The following FHIP1A variants were observed in gnomAD, a reference collection of about 807,000 sequenced individuals.
FHIP1A encodes FHF complex subunit HOOK interacting protein 1A, also known as FHF complex subunit HOOK-interacting protein 1A.
Under a neutral mutation model 88.6 loss-of-function variants are expected in FHIP1A, and 61 were observed. The observed-to-expected ratio is 0.69, with a 90% CI of 0.56 to 0.85. FHIP1A has a LOEUF of 0.85. Among genes scored for constraint, FHIP1A ranks in the 40% least tolerant of loss-of-function variants. FHIP1A has a pLI of 0.00. For missense variants in FHIP1A, 1,154 were observed against 1,273.5 expected, an observed-to-expected ratio of 0.91 and a Z score of 1.43; for synonymous variants, 478 against 496.0, an observed-to-expected ratio of 0.96 and a Z score of 0.48.
chr4:151,456,248 A>G (rs1728964071), intron 2 of FHIP1A, among the ~76,000 whole-genome samples: 1 of 152,226 alleles, frequency 6.6e-6, no homozygotes, highest in African/African-American at 2.4e-5. Flanking sequence ...GGTTCTTTTT[A>G]AAATAACATC....
intron 5 of FHIP1A, among the ~76,000 whole-genome samples, chr4:151,585,243 T>A (rs1734167974): frequency 6.6e-6 from 1 of 152,104 alleles, no homozygotes; most frequent in African/African-American, 2.4e-5. Context: ...GTAGGTCCAA[T>A]CTCGGCTCAC....
chr4:151,634,724 T>G (rs1163998762), intron 8 of FHIP1A, among the ~76,000 whole-genome samples: 1 of 151,836 alleles, frequency 6.6e-6, no homozygotes, highest in East Asian at 1.9e-4. Context: ...AGTTGAACCC[T>G]TACTTTACAC....
At chr4:151,644,970 T>C (rs1000953307) in intron 9 of FHIP1A, among the ~76,000 whole-genome samples, 9 of 152,240 alleles carry the variant, frequency 5.9e-5, no homozygotes, top group Non-Finnish European at 1.0e-4. Context: ...CTCACAGATA[T>C]CCTTGTGGAA....
chr4:151,593,580 A>G (rs1054369807), intron 7 of FHIP1A, among the ~76,000 whole-genome samples: 1 of 152,084 alleles, frequency 6.6e-6, no homozygotes, highest in African/African-American at 2.4e-5. Context: ...TTATTTATGT[A>G]TAGGAATGCT....
At chr4:151,466,585 A>G (rs567968794) in intron 2 of FHIP1A, among the ~76,000 whole-genome samples, 8 of 152,324 alleles carry the variant, frequency 5.3e-5, no homozygotes, top group African/African-American at 1.9e-4. Flanking sequence ...AAAGTATACT[A>G]CAAGGCTACA....
At chr4:151,468,776 T>A (rs1729413482) in intron 2 of FHIP1A, among the ~76,000 whole-genome samples, 4 of 152,164 alleles carry the variant, frequency 2.6e-5, no homozygotes, top group Non-Finnish European at 5.9e-5. Flanking sequence ...CTAAGGTAAC[T>A]TGGGAATTAT....
intron 1 of FHIP1A, among the ~76,000 whole-genome samples, chr4:151,444,377 G>A (rs887683935): frequency 8.5e-5 from 13 of 152,118 alleles, no homozygotes; most frequent in Admixed American, 7.2e-4. Context: ...ACATATAAAA[G>A]AATATACATA....
At chr4:151,494,131 T>TTA (rs1280010675) in intron 3 of FHIP1A, among the ~76,000 whole-genome samples, 2 of 152,254 alleles carry the variant, frequency 1.3e-5, no homozygotes, top group African/African-American at 2.4e-5. Flanking sequence ...CTTTGTTGGA[T>TTA]GCATAGTTTG....
intron 3 of FHIP1A, among the ~76,000 whole-genome samples, chr4:151,521,520 C>G (rs1248449230): frequency 1.3e-5 from 2 of 152,054 alleles, no homozygotes; most frequent in African/African-American, 4.8e-5. Flanking sequence ...ATAGCTGTAG[C>G]TTGTAGGAAG....
chr4:151,610,993 C>G lies in FHIP1A; in HGVS notation c.979-18709C>G, dbSNP rs548968366. Among the ~76,000 whole-genome samples, 85 of 152,066 alleles carry G rather than the reference C, an allele frequency of 5.6e-4. No individual in the cohort carries two copies. The Middle Eastern group carries it at 0.01, about 18-fold the overall frequency. The stretch of plus-strand genomic sequence containing the variant: ...TATAGCAGAATTTATAGTACATTGC[C>G]AAGTATGTAATAGGTATTATGACAT... On this transcript the variant is annotated intron_variant, in intron 7 of 13. Transcript: ENST00000435205.
intron 7 of FHIP1A, among the ~76,000 whole-genome samples, chr4:151,594,187 T>G (rs1734556992): frequency 6.6e-6 from 1 of 152,148 alleles, no homozygotes; most frequent in Non-Finnish European, 1.5e-5. Flanking sequence ...ATCAGGGACA[T>G]TGGTCTGAAA....
intron 7 of FHIP1A, among the ~76,000 whole-genome samples, chr4:151,623,451 C>A (rs1407149821): frequency 6.6e-6 from 1 of 151,314 alleles, no homozygotes; most frequent in African/African-American, 2.4e-5. Context: ...TCCCCCTCCA[C>A]CCCCGAAAAT....
At chr4:151,440,850 G>A (rs747574046) in intron 1 of FHIP1A, among the ~76,000 whole-genome samples, 20 of 152,122 alleles carry the variant, frequency 1.3e-4, no homozygotes, top group Non-Finnish European at 2.4e-4. Context: ...CAAATTCCCA[G>A]TTTTTGCAGC....
At chr4:151,560,110 T>C (rs1733114140) in intron 3 of FHIP1A, among the ~76,000 whole-genome samples, 1 of 152,210 alleles carries the variant, frequency 6.6e-6, no homozygotes, top group Non-Finnish European at 1.5e-5. Flanking sequence ...GCCCACAGTT[T>C]ATGAGATTCA....
intron 1 of FHIP1A, among the ~76,000 whole-genome samples, chr4:151,448,679 A>G (rs1728690652): frequency 6.6e-6 from 1 of 152,168 alleles, no homozygotes; most frequent in Non-Finnish European, 1.5e-5. Flanking sequence ...GTATGTGTAT[A>G]TTCCATATTT....
At chr4:151,652,253 G>A (rs1215697985) in intron 11 of FHIP1A, among the ~76,000 whole-genome samples, 4 of 152,116 alleles carry the variant, frequency 2.6e-5, no homozygotes, top group African/African-American at 9.7e-5. Context: ...CATACTACAA[G>A]CTCTTTGATA....
chr4:151,574,716 A>G (rs146790893), intron 4 of FHIP1A, among the ~76,000 whole-genome samples: 78 of 152,256 alleles, frequency 5.1e-4, no homozygotes, highest in African/African-American at 1.8e-3. Context: ...AGGAATAACT[A>G]ATTAACCTTA....
intron 3 of FHIP1A, among the ~76,000 whole-genome samples, chr4:151,492,631 C>A (rs1730325350): frequency 1.3e-5 from 2 of 150,378 alleles, no homozygotes; most frequent in Non-Finnish European, 3.0e-5. Context: ...ATATCAAGTA[C>A]TCCTCTCTCA....
chr4:151,516,165 A>C (rs1267775471), intron 3 of FHIP1A, among the ~76,000 whole-genome samples: 1 of 152,226 alleles, frequency 6.6e-6, no homozygotes, highest in East Asian at 1.9e-4. Context: ...CAACTGTTTG[A>C]TCTTTGACAA....
Sources: gnomAD v4.1 joint callset for allele counts (sites outside exome capture counted in the v4.1 genomes callset) on GRCh38, gnomAD v4.1.1 for gene constraint, MANE v1.5 for transcripts, NCBI Gene and HGNC (gene_info 2026-07-23, HGNC 2026-07-21) for gene names.